RTBDN: variants seen among roughly 807,000 people sequenced by gnomAD.
RTBDN encodes the protein retbindin.
RTBDN carries 24 observed loss-of-function variants against 21.9 expected under a neutral mutation model. The ratio of observed to expected loss-of-function variants is 1.10; its 90% CI spans 0.79 to 1.54. RTBDN has a LOEUF of 1.54. RTBDN is among the 40% of genes most tolerant of loss of function. The pLI is 0.00. For missense variants in RTBDN, 325 were observed against 315.2 expected (o/e 1.03, Z -0.23); for synonymous variants, 141 against 125.9 (o/e 1.12, Z -0.80).
At chr19:12,829,783 G>A in intron 2 of RTBDN, 28 bp downstream of exon 2, 1 of 1,586,442 alleles carries the variant, frequency 6.3e-7, no homozygotes, top group Non-Finnish European at 8.6e-7. Context: ...CTGGGTGTTG[G>A]TGGTGAGGCA....
chr19:12,825,867 C>A lies in RTBDN; in HGVS notation c.529G>T (p.Gly177Ter), dbSNP rs1442785172. Residue 177 changes from glycine to a stop codon, truncating the protein, a stop_gained, in exon 6 of 6, where the codon GGA (glycine) becomes TGA (stop). Coordinates refer to ENST00000674343, the MANE Select transcript of RTBDN (RefSeq NM_001270441.2). LOFTEE classifies it low-confidence loss of function (END_TRUNC). ...LGHALPVAAP[G>*]ARHCFNISIS... ...GAGATGTTGAAGCAGTGACGGGCTC[C>A]AGGAGCAGCCACCGGTAGGGCGTGG... 8 of 1,613,308 alleles carry A rather than the reference C, an allele frequency of 5.0e-6. No individual in the cohort carries two copies. Among genetic ancestry groups the A allele is most frequent in the Non-Finnish European group, 6.8e-6 (8 of 1,179,752 alleles).
In RTBDN at chr19:12,828,766, A is replaced by C; in HGVS notation, c.256T>G (p.Cys86Gly). 2 of 1,614,198 alleles carry C rather than the reference A, an allele frequency of 1.2e-6. No homozygotes were observed. The highest frequency in any genetic ancestry group is 1.7e-6 in the Non-Finnish European group (2 of 1,180,008). ...TGGAGGTGTTCCAGGAAGGATTCGCATCTGGACGTTGGGAGAGATAGGGTC... is the reference window on the plus strand; with the variant it reads ...TGGAGGTGTTCCAGGAAGGATTCGCCTCTGGACGTTGGGAGAGATAGGGTC... ...PERCGVPSPE[C>G]ESFLEHLQRA... The change falls in exon 4 of 6, where the codon TGC (cysteine) becomes GGC (glycine). Residue 86 changes from cysteine to glycine, a missense_variant and splice_region_variant. Transcript: ENST00000674343.
chr19:12,831,218 G>C (rs969322648), intron 1 of RTBDN, among the ~76,000 whole-genome samples: 2 of 152,144 alleles, frequency 1.3e-5, no homozygotes, highest in African/African-American at 4.8e-5. Flanking sequence ...GACCATGAAG[G>C]TTGACCATGA....
At chr19:12,834,777 G>T (rs754962578), upstream of RTBDN, 1 of 1,613,820 alleles carries the variant, frequency 6.2e-7, no homozygotes, top group Non-Finnish European at 8.5e-7. This position sits in a 1 kb window ranked among gnomAD's most constrained non-coding sequence, Gnocchi z 4.7. Flanking sequence ...GGTGTCAGGA[G>T]CTCCTACCTC....
chr19:12,826,534 A>C (rs1599548145), intron 5 of RTBDN: 5 of 760,108 alleles, frequency 6.6e-6, no homozygotes, highest in Non-Finnish European at 7.7e-6. Context: ...ACTCTACTAA[A>C]AATACAAAAA....
At position 12,830,133 on chromosome 19, in the gene RTBDN, G is replaced by C. The variant is rs1969510940; in HGVS notation, c.-18-136C>G. Reference sequence around the variant, plus strand: ...AGGAGGAGGCTGGGGCAGTGGCCAAGGACGTTCAAATCCCAGGAGACCATC... The same window carrying C: ...AGGAGGAGGCTGGGGCAGTGGCCAACGACGTTCAAATCCCAGGAGACCATC... On this transcript the variant is annotated intron_variant, in intron 1 of 5. Transcript: ENST00000674343. The surrounding 1 kb of genome is among the most constrained non-coding windows in gnomAD (Gnocchi z 4.2). 1 of 1,283,156 alleles carries C rather than the reference G, an allele frequency of 7.8e-7. No homozygotes were observed. Among genetic ancestry groups the C allele is most frequent in the African/African-American group, 1.5e-5 (1 of 66,838 alleles). The allele number at this position is 1,283,156 out of a possible 1,614,324, so 79.5% of individuals were successfully genotyped here. A position where few individuals can be genotyped will look rare whatever the true frequency, so the allele number is the denominator to read the frequency against.
rs776845810 is a variant in RTBDN at position 12,825,751 on chromosome 19, G to T, written c.645C>A (p.Asp215Glu). 3.7e-6 allele frequency: 6 copies of T among 1,606,210 alleles called. No homozygotes were observed. In the East Asian group the frequency reaches 1.1e-4, roughly 30 times the overall value. The stretch of plus-strand genomic sequence containing the variant: ...CACTGCCACTCCCGCTGCCCGCAGC[G>T]TCCAGGATGGAGGTGCGAGGGCTGC... Reference protein sequence around the residue: ...RSRSPRTSILDAAGSGSGSGS... With the variant: ...RSRSPRTSILEAAGSGSGSGS... Residue 215 changes from aspartate (D) to glutamate (E), a missense_variant, in exon 6 of 6, where the codon GAC becomes GAA. By Grantham distance (45) the Asp-to-Glu change is conservative. Coordinates refer to ENST00000674343, the MANE Select transcript of RTBDN (RefSeq NM_001270441.2).
chr19:12,826,849 T>G lies in RTBDN; in HGVS notation c.388A>C (p.Ile130Leu). 1 of 1,552,616 alleles carries G rather than the reference T, an allele frequency of 6.4e-7. No homozygotes were observed. The highest frequency in any genetic ancestry group is 8.7e-7 in the Non-Finnish European group (1 of 1,148,442). Residue 130 changes from isoleucine (I) to leucine (L), a missense_variant, in exon 5 of 6, where the codon ATC (isoleucine) becomes CTC (leucine). Transcript: ENST00000674343. ...GGGAGCCAAGTCGGGCCGCAGGTGA[T>G]ATCATCTTCGCAGTTGGCGAACCTG... is the stretch of plus-strand genomic sequence containing the variant. Reference protein sequence around the residue: ...QAWFANCEDDITCGPTWLPLS... With the variant: ...QAWFANCEDDLTCGPTWLPLS...
chr19:12,834,484 C>T lies in RTBDN; in HGVS notation c.-19+5G>A. 1 of 1,534,904 alleles carries T rather than the reference C, an allele frequency of 6.5e-7. No homozygotes were observed. The highest frequency in any genetic ancestry group is 1.7e-4 in the Middle Eastern group (1 of 5,980). On this transcript the variant is annotated splice_donor_5th_base_variant and intron_variant, in intron 1 of 5. Coordinates refer to ENST00000674343, the MANE Select transcript of RTBDN (RefSeq NM_001270441.2). This position sits in a 1 kb window ranked among gnomAD's most constrained non-coding sequence, Gnocchi z 4.7. ...GGCATAGGACGCCCTGCGTCCCCCA[C>T]GCACCTGCCTGGCCATCAGGATTCT...
Position 12,830,659 on chromosome 19 carries a change from C to T in RTBDN, c.-18-662G>A. ...GAGGCCGCTAAGACACCTCAGGATC[C>T]AGTCCAGGAAACTGGCTGCTGAAAG... On this transcript the variant is annotated intron_variant, in intron 1 of 5. Transcript: ENST00000674343. This position sits in a 1 kb window ranked among gnomAD's most constrained non-coding sequence, Gnocchi z 4.2. 1.0e-6 allele frequency: 1 copy of T among 985,598 alleles called. No homozygotes were observed. Among genetic ancestry groups the T allele is most frequent in the Non-Finnish European group, 1.2e-6 (1 of 830,048 alleles). 61.1% of individuals were successfully genotyped at this position (985,598 alleles called of 1,614,324 possible).
At chr19:12,832,261 G>A (rs2145864186) in intron 1 of RTBDN, among the ~76,000 whole-genome samples, 1 of 152,232 alleles carries the variant, frequency 6.6e-6, no homozygotes, top group South Asian at 2.1e-4. Flanking sequence ...TTTTATTGCT[G>A]TATTCCCTCC....
chr19:12,827,573 T>G (rs1244034864), intron 4 of RTBDN, among the ~76,000 whole-genome samples: 2 of 151,914 alleles, frequency 1.3e-5, no homozygotes, highest in East Asian at 3.9e-4. Flanking sequence ...TCTGCCCACC[T>G]TGGCCTCCCA....
Position 12,830,459 on chromosome 19 carries a change from T to G in RTBDN, c.-18-462A>C. Reference sequence around the variant, plus strand: ...ACCTTCTCTCGGCCCACAATCGGCTTAGGGGCCACCCAGAGCTGGACCTTT... The same window carrying G: ...ACCTTCTCTCGGCCCACAATCGGCTGAGGGGCCACCCAGAGCTGGACCTTT... On this transcript the variant is annotated intron_variant, in intron 1 of 5. Coordinates refer to ENST00000674343, the MANE Select transcript of RTBDN (RefSeq NM_001270441.2). The surrounding 1 kb of genome is among the most constrained non-coding windows in gnomAD (Gnocchi z 4.2). 1 of 987,670 alleles carries G rather than the reference T, an allele frequency of 1.0e-6. No homozygotes were observed. The highest frequency in any genetic ancestry group is 1.2e-6 in the Non-Finnish European group (1 of 831,366). 61.2% of individuals were successfully genotyped at this position (987,670 alleles called of 1,614,324 possible). A position where few individuals can be genotyped will look rare whatever the true frequency, so the allele number is the denominator to read the frequency against.
chr19:12,833,323 T>TTTAGGGGTCTCTGATTGGGGGTATCC, intron 1 of RTBDN, among the ~76,000 whole-genome samples: 1 of 150,358 alleles, frequency 6.7e-6, no homozygotes, highest in African/African-American at 2.5e-5. Flanking sequence ...GGATATGGCT[T>TTTAGGGGTCTCTGATTGGGGGTATCC]TTAGGGGTCT....
chr19:12,825,684 C>A lies in RTBDN; in HGVS notation c.*22G>T. 1 of 1,548,992 alleles carries A rather than the reference C, an allele frequency of 6.5e-7. No individual in the cohort carries two copies. Among genetic ancestry groups the A allele is most frequent in the Non-Finnish European group, 8.7e-7 (1 of 1,147,484 alleles). On this transcript the variant is annotated 3_prime_UTR_variant, in exon 6 of 6. Coordinates refer to ENST00000674343, the MANE Select transcript of RTBDN (RefSeq NM_001270441.2). Reference sequence around the variant, plus strand: ...CGGGGCTGGGGGAAGGGTCGCTCCCCCAACTCAGGGCCACGCGTCCGCTAG... The same window carrying A: ...CGGGGCTGGGGGAAGGGTCGCTCCCACAACTCAGGGCCACGCGTCCGCTAG...
rs775715912 is a variant in RTBDN, at chr19:12,828,855, G to A, written c.254+14C>T. On this transcript the variant is annotated intron_variant, in intron 3 of 5. Coordinates refer to ENST00000674343, the MANE Select transcript of RTBDN (RefSeq NM_001270441.2). ...CAAAGTACGCGAGAAAACGGTGGAG[G>A]GTGCTGTACTCACTCAGGGCTCGGC... 6 of 1,614,160 alleles carry A rather than the reference G, an allele frequency of 3.7e-6. No homozygotes were observed. Among genetic ancestry groups the A allele is most frequent in the Non-Finnish European group, 5.1e-6 (6 of 1,180,006 alleles).
At chr19:12,826,374 C>G in intron 5 of RTBDN, 1 of 1,273,282 alleles carries the variant, frequency 7.9e-7, no homozygotes, top group South Asian at 1.3e-5. Flanking sequence ...CCAATCCGGT[C>G]TCTGGGGTCT....
Position 12,830,217 on chromosome 19 carries a change from T to C in RTBDN, c.-18-220A>G. 1 of 1,314,134 alleles carries C rather than the reference T, an allele frequency of 7.6e-7. No homozygotes were observed. The highest frequency in any genetic ancestry group is 3.3e-5 in the Admixed American group (1 of 30,752). 81.4% of individuals were successfully genotyped at this position (1,314,134 alleles called of 1,614,324 possible). ...ATCAGAACCATGTCCTCTATGTCCC[T>C]TCAGTGCCACCCCAACCAAGCTTAG... On this transcript the variant is annotated intron_variant, in intron 1 of 5. Coordinates refer to ENST00000674343, the MANE Select transcript of RTBDN (RefSeq NM_001270441.2). The surrounding 1 kb of genome is among the most constrained non-coding windows in gnomAD (Gnocchi z 4.2).
intron 2 of RTBDN, among the ~76,000 whole-genome samples, chr19:12,829,194 C>CTTTTTT: frequency 6.8e-6 from 1 of 146,736 alleles, no homozygotes; most frequent in Non-Finnish European, 1.5e-5. Flanking sequence ...AATCCTTTTC[C>CTTTTTT]TTTTTTTTTT....
Sources: allele counts gnomAD v4.1 joint callset (sites outside exome capture counted in the v4.1 genomes callset), GRCh38; gene constraint gnomAD v4.1.1; non-coding constraint Gnocchi (gnomAD v3.1); transcripts MANE v1.5; gene names NCBI Gene and HGNC (gene_info 2026-07-23, HGNC 2026-07-21).